The following KSR1 variants were observed in gnomAD, a reference collection of about 807,000 sequenced individuals.
The protein encoded by KSR1 is kinase suppressor of ras.
KSR1 carries 35 observed loss-of-function variants against 92.9 expected under a neutral mutation model. That is an observed-to-expected ratio of 0.38 (90% CI 0.29 to 0.50). The LOEUF (loss-of-function observed/expected upper bound fraction) is 0.50, where lower values mean the gene tolerates loss of function less well. Ranked by LOEUF, KSR1 falls within the 20% of genes least tolerant of loss-of-function variation. The pLI is 0.94. For missense variants in KSR1, 972 were observed against 1,158.5 expected (o/e 0.84, Z 2.34); for synonymous variants, 467 against 472.6 (o/e 0.99, Z 0.15).
At chr17:27,473,023 C>T (rs940869916) in intron 1 of KSR1, among the ~76,000 whole-genome samples, 29 of 152,320 alleles carry the variant, frequency 1.9e-4, no homozygotes, top group Admixed American at 1.9e-3. Context: ...TCACCTTCAG[C>T]CTCCCAGATA....
intron 1 of KSR1, among the ~76,000 whole-genome samples, chr17:27,541,835 C>T (rs772601439): frequency 3.9e-5 from 6 of 152,128 alleles, no homozygotes; most frequent in Non-Finnish European, 7.3e-5. Context: ...TTGTGAGTGA[C>T]GGCAAAGGAT....
At position 27,559,150 on chromosome 17, in the gene KSR1, G is replaced by A. The variant is rs997015141; in HGVS notation, c.372+8442G>A. ...CCTTTTCTACTAGAGGAAGAGAGGG[G>A]ATAGACATGGATGTGGTCACACAGT... On this transcript the variant is annotated intron_variant, in intron 2 of 20. Coordinates refer to ENST00000644974, the MANE Select transcript of KSR1 (RefSeq NM_001394583.1). This position sits in a 1 kb window ranked among gnomAD's most constrained non-coding sequence, Gnocchi z 4.2. Among the ~76,000 whole-genome samples, 1 of 152,236 alleles carries A rather than the reference G, an allele frequency of 6.6e-6. No homozygotes were observed. Among genetic ancestry groups the A allele is most frequent in the African/African-American group, 2.4e-5 (1 of 41,458 alleles).
intron 1 of KSR1, among the ~76,000 whole-genome samples, chr17:27,510,356 A>AG (rs11396630): frequency 0.89 from 136,174 of 152,168 alleles, 61,034 homozygotes; most frequent in East Asian, 1. Flanking sequence ...CATCTCTAAA[A>AG]GGGAGTGTTG....
intron 1 of KSR1, chr17:27,526,448 G>A: frequency 6.3e-7 from 1 of 1,577,982 alleles, no homozygotes; most frequent in Non-Finnish European, 8.6e-7. Context: ...GTAAAAGTTT[G>A]TAGTTTTTTT....
At chr17:27,485,200 C>T (rs1597859894) in intron 1 of KSR1, among the ~76,000 whole-genome samples, 1 of 152,214 alleles carries the variant, frequency 6.6e-6, no homozygotes, top group East Asian at 1.9e-4. Context: ...TCTTCTCTCA[C>T]ATGAGTCATC....
chr17:27,494,897 G>A (rs1009046387), intron 1 of KSR1, among the ~76,000 whole-genome samples: 1 of 152,188 alleles, frequency 6.6e-6, no homozygotes, highest in African/African-American at 2.4e-5. Flanking sequence ...CCTGGGAGGC[G>A]GCCCTGTCAG....
At chr17:27,616,970 T>C (rs955661512) in intron 18 of KSR1, among the ~76,000 whole-genome samples, 23 of 152,210 alleles carry the variant, frequency 1.5e-4, no homozygotes, top group Admixed American at 1.4e-3. Context: ...CCTTGCACTT[T>C]GCATCTTCAA....
chr17:27,608,023 C>A lies in KSR1; in HGVS notation c.2091+13C>A. 1 of 1,587,088 alleles carries A rather than the reference C, an allele frequency of 6.3e-7. No homozygotes were observed. The highest frequency in any genetic ancestry group is 2.3e-5 in the East Asian group (1 of 44,034). On this transcript the variant is annotated intron_variant, in intron 15 of 20. Transcript: ENST00000644974. ...GGAGATCATCAAGGTGAGGGGGTGC[C>A]CAGCTGCTGGGGGTGGGTTTCTGGC...
At chr17:27,506,656 T>C (rs1475376158) in intron 1 of KSR1, among the ~76,000 whole-genome samples, 2 of 152,084 alleles carry the variant, frequency 1.3e-5, no homozygotes, top group Non-Finnish European at 2.9e-5. Flanking sequence ...TTGTCCAGCC[T>C]TTATCTCCCA....
Position 27,577,236 on chromosome 17 carries a change from C to G in KSR1, c.373-256C>G, listed in dbSNP as rs992476043. On this transcript the variant is annotated intron_variant, in intron 2 of 20. Coordinates refer to ENST00000644974, the MANE Select transcript of KSR1 (RefSeq NM_001394583.1). The surrounding 1 kb of genome is among the most constrained non-coding windows in gnomAD (Gnocchi z 4.5). Reference sequence around the variant, plus strand: ...GAAGAAACAAGCTGGGCAACATGCCCTCGTCCAAACCTTTCTGGTCTTTAC... The same window carrying G: ...GAAGAAACAAGCTGGGCAACATGCCGTCGTCCAAACCTTTCTGGTCTTTAC... Among the ~76,000 whole-genome samples the G allele has an allele frequency of 6.6e-6, 1 of 152,142 alleles. No individual in the cohort carries two copies. Among genetic ancestry groups the G allele is most frequent in the African/African-American group, 2.4e-5 (1 of 41,414 alleles).
chr17:27,539,133 T>C (rs756934596), intron 1 of KSR1, among the ~76,000 whole-genome samples: 108 of 152,202 alleles, frequency 7.1e-4, no homozygotes, highest in Non-Finnish European at 9.7e-4. Flanking sequence ...ACTAGGCCCC[T>C]GCTTGGTAAT....
At chr17:27,590,247 A>T (rs2073117724) in intron 6 of KSR1, among the ~76,000 whole-genome samples, 1 of 152,204 alleles carries the variant, frequency 6.6e-6, no homozygotes, top group Non-Finnish European at 1.5e-5. Flanking sequence ...GAATGGGATC[A>T]TATCTTATTG....
chr17:27,541,841 A>G (rs1274276774), intron 1 of KSR1, among the ~76,000 whole-genome samples: 1 of 152,220 alleles, frequency 6.6e-6, no homozygotes, highest in African/African-American at 2.4e-5. Flanking sequence ...GTGACGGCAA[A>G]GGATGAGCAG....
chr17:27,471,203 A>G (rs1567740780), intron 1 of KSR1, among the ~76,000 whole-genome samples: 1 of 152,218 alleles, frequency 6.6e-6, no homozygotes, highest in Non-Finnish European at 1.5e-5. Context: ...GCTCAATATC[A>G]GGTTTGTTTT....
Position 27,550,703 on chromosome 17 carries a change from G to T in KSR1, c.367G>T (p.Val123Leu), listed in dbSNP as rs1055582896. 1.0e-5 allele frequency: 8 copies of T among 762,788 alleles called. No individual in the cohort carries two copies. In the African/African-American group the frequency reaches 1.2e-4, roughly 11 times the overall value. The allele number at this position is 762,788 out of a possible 1,614,324, so 47.3% of individuals were successfully genotyped here. ...LYTFNVRPEV[V>L]QEIPRDLTLD... ...CACTTTCAACGTGAGGCCGGAGGTGGTGCAGGTATGCAAGCTGGTTCTCAG... is the reference window on the plus strand; with the variant it reads ...CACTTTCAACGTGAGGCCGGAGGTGTTGCAGGTATGCAAGCTGGTTCTCAG... Residue 123 changes from valine to leucine, a missense_variant, in exon 2 of 21, where the codon GTG (valine) becomes TTG (leucine). Coordinates refer to ENST00000644974, the MANE Select transcript of KSR1 (RefSeq NM_001394583.1).
chr17:27,562,034 C>G (rs185197753), intron 2 of KSR1, among the ~76,000 whole-genome samples: 3 of 152,100 alleles, frequency 2.0e-5, no homozygotes, highest in Non-Finnish European at 4.4e-5. Context: ...TTAGTAGAGA[C>G]GGGTTTTTTC....
intron 16 of KSR1, 22 bp from the exon 17 acceptor site, chr17:27,610,045 G>T: frequency 6.2e-7 from 1 of 1,613,342 alleles, no homozygotes; most frequent in Non-Finnish European, 8.5e-7. Flanking sequence ...CTGTGTCCTT[G>T]TCCCGGCTTC....
At chr17:27,588,628 C>G (rs2073059396) in intron 6 of KSR1, 93 bp downstream of exon 6, 1 of 1,186,604 alleles carries the variant, frequency 8.4e-7, no homozygotes, top group African/African-American at 1.5e-5. Context: ...TCAGCGAGCT[C>G]TTTGCCTCTG....
chr17:27,567,616 G>A (rs116556762), intron 2 of KSR1, among the ~76,000 whole-genome samples: 2,516 of 152,330 alleles, frequency 0.017, 72 homozygotes, highest in African/African-American at 0.058. Context: ...GTGACTTGGC[G>A]TCCCTTAGGC....
Sources: allele counts gnomAD v4.1 joint callset (sites outside exome capture counted in the v4.1 genomes callset), GRCh38; gene constraint gnomAD v4.1.1; non-coding constraint Gnocchi (gnomAD v3.1); transcripts MANE v1.5; gene names NCBI Gene and HGNC (gene_info 2026-07-23, HGNC 2026-07-21).